MICAL2: variants seen among roughly 807,000 people sequenced by gnomAD.
The protein encoded by MICAL2 is [F-actin]-monooxygenase MICAL2.
Under a neutral mutation model 127.3 loss-of-function variants are expected in MICAL2, and 77 were observed. That is an observed-to-expected ratio of 0.60 (90% CI 0.50 to 0.73). The LOEUF is 0.73. MICAL2 is among the 30% of genes least tolerant of loss of function. The pLI, the probability that MICAL2 is intolerant of heterozygous loss-of-function variation, is 0.00. For missense variants in MICAL2, 1,351 were observed against 1,434.4 expected (o/e 0.94, Z 0.94); for synonymous variants, 570 against 551.1 (o/e 1.03, Z -0.48).
chr11:12,122,862 A>T (rs1476468321), intron 1 of MICAL2, among the ~76,000 whole-genome samples: 1 of 152,170 alleles, frequency 6.6e-6, no homozygotes, highest in Non-Finnish European at 1.5e-5. Flanking sequence ...ATCCCACTGG[A>T]TGCTTGACTC....
At chr11:12,179,219 G>T (rs2133934166) in intron 3 of MICAL2, among the ~76,000 whole-genome samples, 1 of 152,138 alleles carries the variant, frequency 6.6e-6, no homozygotes, top group Middle Eastern at 3.4e-3. Flanking sequence ...CTTCTCACAG[G>T]CCGCCTTCTT....
At chr11:12,241,330 A>T (rs769952128) in intron 18 of MICAL2, among the ~76,000 whole-genome samples, 168 bp downstream of exon 18, 3 of 152,236 alleles carry the variant, frequency 2.0e-5, no homozygotes, top group Non-Finnish European at 4.4e-5. Flanking sequence ...AGTATGCAAC[A>T]TCACAAAATA....
chr11:12,339,223 T>G (rs573900345), intron 32 of MICAL2, among the ~76,000 whole-genome samples: 1 of 152,238 alleles, frequency 6.6e-6, no homozygotes, highest in Non-Finnish European at 1.5e-5. Flanking sequence ...CTGATACCCT[T>G]TCTTCCAGTT....
At chr11:12,258,968 C>T (rs754097033) in intron 25 of MICAL2, among the ~76,000 whole-genome samples, 1 of 152,226 alleles carries the variant, frequency 6.6e-6, no homozygotes, top group Non-Finnish European at 1.5e-5. Flanking sequence ...CCCAGGCTCT[C>T]GAAGTCAACA....
intron 7 of MICAL2, 40 bp downstream of exon 7, chr11:12,213,450 A>C (rs1460723596): frequency 6.3e-7 from 1 of 1,594,564 alleles, no homozygotes; most frequent in Non-Finnish European, 8.5e-7. Context: ...CCAAGGTCTA[A>C]AGTTTGCAGT....
At chr11:12,219,629 T>C (rs1423881230) in intron 8 of MICAL2, among the ~76,000 whole-genome samples, 1 of 152,074 alleles carries the variant, frequency 6.6e-6, no homozygotes, top group Admixed American at 6.6e-5. Context: ...GGTTTCCCAT[T>C]TTCTTTTTCT....
In MICAL2 at chr11:12,151,362, C is replaced by G. The variant is rs544941114; in HGVS notation, c.-77-10717C>G. On this transcript the variant is annotated intron_variant, in intron 2 of 27. Coordinates refer to ENST00000683283, the MANE Select transcript of MICAL2 (RefSeq NM_001282663.2). ...GTTGTTATTGGAAGTTGGCCTGCAA[C>G]AGTCGGGTAAGAGACATCTTAATTC... Among the ~76,000 whole-genome samples, 65 of 152,188 alleles carry G rather than the reference C, an allele frequency of 4.3e-4. No homozygotes were observed. The South Asian group carries it at 6.4e-3, about 15-fold the overall frequency.
intron 3 of MICAL2, among the ~76,000 whole-genome samples, chr11:12,203,682 G>A (rs1854311507): frequency 6.6e-6 from 1 of 152,108 alleles, no homozygotes; most frequent in Admixed American, 6.5e-5. Flanking sequence ...GATATATGAT[G>A]TGCAACTATT....
intron 34 of MICAL2, among the ~76,000 whole-genome samples, chr11:12,356,774 T>C (rs1939134880): frequency 6.6e-6 from 1 of 152,224 alleles, no homozygotes; most frequent in Non-Finnish European, 1.5e-5. Flanking sequence ...GTGGGGCAAG[T>C]GGACCCTTCT....
intron 3 of MICAL2, among the ~76,000 whole-genome samples, chr11:12,203,237 T>C (rs1157873671): frequency 1.3e-5 from 2 of 152,250 alleles, no homozygotes; most frequent in Non-Finnish European, 2.9e-5. Context: ...GTACAGGATT[T>C]TGTGTGAACA....
At chr11:12,241,499 C>T (rs1198123731) in intron 18 of MICAL2, among the ~76,000 whole-genome samples, 1 of 152,204 alleles carries the variant, frequency 6.6e-6, no homozygotes, top group Non-Finnish European at 1.5e-5. Flanking sequence ...GGCTGATTTC[C>T]ATATCAATGA....
At chr11:12,304,135 G>T (rs1444213501) in intron 29 of MICAL2, among the ~76,000 whole-genome samples, 1 of 151,976 alleles carries the variant, frequency 6.6e-6, no homozygotes, top group Non-Finnish European at 1.5e-5. Flanking sequence ...TTTTTATGTG[G>T]CTATTAGAAA....
chr11:12,344,482 T>G lies in MICAL2; in HGVS notation c.5516-5356T>G, dbSNP rs1267885640. ...TCAAAATTCTAGAAACTATTATTAT[T>G]ATTATTATTATTATTATTATTATTA... On this transcript the variant is annotated intron_variant, in intron 32 of 34. Coordinates refer to the MICAL2 transcript ENST00000646065. Among the ~76,000 whole-genome samples the G allele has an allele frequency of 6.5e-3, 890 of 136,724 alleles. 12 individuals carry two copies. Among genetic ancestry groups the G allele is most frequent in the Admixed American group, 0.011 (162 of 14,196 alleles). The allele number at this position is 136,724 out of a possible 152,430, so 89.7% of individuals were successfully genotyped here. A position where few individuals can be genotyped will look rare whatever the true frequency, so the allele number is the denominator to read the frequency against.
At position 12,130,650 on chromosome 11, in the gene MICAL2, A is replaced by G. The variant is rs73412278; in HGVS notation, c.-148-7740A>G. ...CCAGCAAGACAGGGACCCTGCCACA[A>G]GGGGCTCAGGTCCTACAACCTCGGC... On this transcript the variant is annotated intron_variant, in intron 1 of 27. Coordinates refer to ENST00000683283, the MANE Select transcript of MICAL2 (RefSeq NM_001282663.2). Among the ~76,000 whole-genome samples, 765 of 152,314 alleles carry G rather than the reference A, an allele frequency of 5.0e-3. 4 individuals are homozygous for G. The highest frequency in any genetic ancestry group is 0.017 in the African/African-American group (716 of 41,572).
intron 1 of MICAL2, among the ~76,000 whole-genome samples, chr11:12,120,027 C>G (rs1385851): frequency 6.6e-6 from 1 of 151,994 alleles, no homozygotes; most frequent in Non-Finnish European, 1.5e-5. Flanking sequence ...CTGCGTGTAC[C>G]GAAGGACAGA....
intron 3 of MICAL2, among the ~76,000 whole-genome samples, chr11:12,199,003 G>A (rs1187115808): frequency 2.6e-5 from 4 of 152,144 alleles, no homozygotes. Context: ...ACTTCATCCT[G>A]ACCTCACCAC....
At chr11:12,331,484 A>T (rs1455901103) in intron 32 of MICAL2, among the ~76,000 whole-genome samples, 1 of 152,174 alleles carries the variant, frequency 6.6e-6, no homozygotes, top group Non-Finnish European at 1.5e-5. Context: ...AGGTGGCAGC[A>T]GGAGCACACA....
At chr11:12,207,211 C>T (rs1590350305) in intron 4 of MICAL2, among the ~76,000 whole-genome samples, 1 of 152,142 alleles carries the variant, frequency 6.6e-6, no homozygotes, top group South Asian at 2.1e-4. Context: ...CCATCACCCT[C>T]CCCCAACCAC....
rs184693254 is a variant in MICAL2 at position 12,285,308 on chromosome 11, C to T, written c.255-1779C>T. On this transcript the variant is annotated intron_variant, in intron 2 of 2. Transcript: ENST00000529028. ...GGCTTTACAATAGTGATGTTAGCCT[C>T]AAGATGCAATTTGGGAAGGTTCGGA... Among the ~76,000 whole-genome samples the T allele has an allele frequency of 9.2e-5, 14 of 152,302 alleles. No homozygotes were observed. In the East Asian group the frequency reaches 2.7e-3, roughly 29 times the overall value.
Sources: gnomAD v4.1 joint callset for allele counts (sites outside exome capture counted in the v4.1 genomes callset) on GRCh38, gnomAD v4.1.1 for gene constraint, MANE v1.5 for transcripts, NCBI Gene and HGNC (gene_info 2026-07-23, HGNC 2026-07-21) for gene names.